The following CD2AP variants were observed in gnomAD, a reference collection of about 807,000 sequenced individuals.
CD2AP encodes the protein CD2-associated protein.
In CD2AP, 46 loss-of-function variants were observed where a neutral mutation model predicts 85.1. That is an observed-to-expected ratio of 0.54 (90% CI 0.43 to 0.69). The LOEUF (loss-of-function observed/expected upper bound fraction) is 0.69, where lower values mean the gene tolerates loss of function less well. Among genes scored for constraint, CD2AP ranks in the 30% least tolerant of loss-of-function variants. The pLI, the probability that CD2AP is intolerant of heterozygous loss-of-function variation, is 0.00. For missense variants in CD2AP, 769 were observed against 729.5 expected, an observed-to-expected ratio of 1.05 and a Z score of -0.62; for synonymous variants, 255 against 252.9, an observed-to-expected ratio of 1.01 and a Z score of -0.08.
chr6:47,605,653 C>A (rs1389116740), intron 13 of CD2AP, among the ~76,000 whole-genome samples: 1 of 152,038 alleles, frequency 6.6e-6, no homozygotes, highest in Non-Finnish European at 1.5e-5. Flanking sequence ...TACATTAAAT[C>A]ATGCTTTTGC....
intron 17 of CD2AP, among the ~76,000 whole-genome samples, chr6:47,616,118 G>A (rs1380043642): frequency 1.3e-5 from 1 of 76,462 alleles, no homozygotes; most frequent in African/African-American, 5.7e-5. Flanking sequence ...TTGAGATGAA[G>A]TCTTGCTCTG....
At chr6:47,513,732 A>G (rs994692545) in intron 2 of CD2AP, among the ~76,000 whole-genome samples, 4 of 152,010 alleles carry the variant, frequency 2.6e-5, no homozygotes, top group Admixed American at 6.6e-5. Context: ...TTAGAACTTC[A>G]GTAAACATCT....
chr6:47,566,167 G>A (rs900505501), intron 5 of CD2AP, among the ~76,000 whole-genome samples: 16 of 151,356 alleles, frequency 1.1e-4, no homozygotes, highest in Non-Finnish European at 2.9e-5. Context: ...GGCCCTTACT[G>A]ACAGCTCTGT....
intron 3 of CD2AP, among the ~76,000 whole-genome samples, chr6:47,540,315 T>A (rs1024514517): frequency 2.6e-5 from 4 of 152,112 alleles, no homozygotes; most frequent in Non-Finnish European, 4.4e-5. Context: ...TTATAGAAAT[T>A]AACATTTATT....
intron 16 of CD2AP, among the ~76,000 whole-genome samples, chr6:47,610,971 A>ATATATATATATATATATATATAT: frequency 9.9e-4 from 112 of 112,834 alleles, no homozygotes; most frequent in African/African-American, 2.8e-3. Flanking sequence ...ATATATATGT[A>ATATATATATATATATATATATAT]TTTTTTTTTT....
chr6:47,536,896 A>G (rs927775018), intron 3 of CD2AP, among the ~76,000 whole-genome samples: 9 of 152,232 alleles, frequency 5.9e-5, no homozygotes. Context: ...ATTAGCAGTC[A>G]GCGTGGAATA....
At chr6:47,536,804 C>T (rs1767060893) in intron 3 of CD2AP, among the ~76,000 whole-genome samples, 1 of 152,082 alleles carries the variant, frequency 6.6e-6, no homozygotes, top group Non-Finnish European at 1.5e-5. Flanking sequence ...ACTTCTGACA[C>T]CCTTGTAAAA....
chr6:47,505,617 G>T (rs1220416114), intron 2 of CD2AP, among the ~76,000 whole-genome samples: 21 of 96,924 alleles, frequency 2.2e-4, no homozygotes, highest in Middle Eastern at 5.5e-3. Context: ...GGCCGGGCGG[G>T]GGGGGCTGAC....
intron 1 of CD2AP, among the ~76,000 whole-genome samples, chr6:47,496,829 A>G (rs1232749048): frequency 1.3e-5 from 2 of 152,184 alleles, no homozygotes; most frequent in Admixed American, 6.5e-5. Flanking sequence ...GAAAATATTT[A>G]GCTTGCTTAT....
chr6:47,525,492 G>C (rs1043079450), intron 2 of CD2AP, among the ~76,000 whole-genome samples: 1 of 152,006 alleles, frequency 6.6e-6, no homozygotes, highest in African/African-American at 2.4e-5. Context: ...TGCGACCTTT[G>C]AGTCTATGGA....
chr6:47,539,918 C>T (rs1767162031), intron 3 of CD2AP, among the ~76,000 whole-genome samples: 2 of 151,978 alleles, frequency 1.3e-5, no homozygotes, highest in Non-Finnish European at 2.9e-5. Flanking sequence ...GTGGCTCACA[C>T]CTGTAATCCC....
Position 47,599,429 on chromosome 6 carries a change from C to A in CD2AP, c.1403C>A (p.Thr468Asn). The A allele has an allele frequency of 6.2e-7, 1 of 1,611,760 alleles. No homozygotes were observed. The highest frequency in any genetic ancestry group is 8.5e-7 in the Non-Finnish European group (1 of 1,178,880). ...GACTTTGATTCACTTACAGTAAGGA[C>A]CTCCAAAGAAACAGGTAAGTCAGCA... ...SVDFDSLTVR[T>N]SKETDVVNFD... Residue 468 changes from threonine to asparagine, a missense_variant, in exon 13 of 18, where the codon ACC becomes AAC. Thr to Asn is a moderately conservative substitution (Grantham distance 65, BLOSUM62 0). Transcript: ENST00000359314.
chr6:47,545,074 T>C, intron 4 of CD2AP: 1 of 187,944 alleles, frequency 5.3e-6, no homozygotes, highest in South Asian at 1.0e-4. Flanking sequence ...AATTATCACA[T>C]TCAAATATTA....
chr6:47,537,474 A>G (rs1297699730), intron 3 of CD2AP, among the ~76,000 whole-genome samples: 2 of 152,128 alleles, frequency 1.3e-5, no homozygotes, highest in African/African-American at 4.8e-5. Context: ...AAAATTTTAA[A>G]ATATCTGGAA....
chr6:47,487,742 A>G (rs990927716), intron 1 of CD2AP, among the ~76,000 whole-genome samples: 3 of 152,146 alleles, frequency 2.0e-5, no homozygotes, highest in South Asian at 4.1e-4. Context: ...TTATTCTCTT[A>G]GTGTGTAAAT....
intron 5 of CD2AP, among the ~76,000 whole-genome samples, chr6:47,558,212 T>G (rs1384475275): frequency 6.6e-6 from 1 of 152,202 alleles, no homozygotes; most frequent in African/African-American, 2.4e-5. Flanking sequence ...CTTATCAGCT[T>G]AAGGAGATTT....
At chr6:47,595,466 T>C (rs1768915063) in intron 11 of CD2AP, among the ~76,000 whole-genome samples, 1 of 152,014 alleles carries the variant, frequency 6.6e-6, no homozygotes, top group South Asian at 2.1e-4. Flanking sequence ...TTGTTTTTAG[T>C]TCTCTATATT....
At position 47,538,179 on chromosome 6, in the gene CD2AP, C is replaced by T. The variant is rs146946338; in HGVS notation, c.319+4424C>T. Among the ~76,000 whole-genome samples the T allele has an allele frequency of 3.6e-3, 547 of 152,214 alleles. 2 individuals carry two copies. Among genetic ancestry groups the T allele is most frequent in the African/African-American group, 0.012 (516 of 41,524 alleles). On this transcript the variant is annotated intron_variant, in intron 3 of 17. Transcript: ENST00000359314. ...CATCATTCATGTAAAATGGCCGAAT[C>T]AGTGTTTCTCATAACATTTGATTAT...
chr6:47,478,132 G>A lies in CD2AP; in HGVS notation c.-113G>A. 1.5e-6 allele frequency: 2 copies of A among 1,371,234 alleles called. No homozygotes were observed. The highest frequency in any genetic ancestry group is 2.5e-5 in the South Asian group (2 of 80,346). 84.9% of individuals were successfully genotyped at this position (1,371,234 alleles called of 1,614,324 possible). The stretch of plus-strand genomic sequence containing the variant: ...CTTCGCCCCGCCTGAGCTCAGGAGG[G>A]GCTAGCGCGGAGCGCGGGTCCCGCC... On this transcript the variant is annotated 5_prime_UTR_variant, in exon 1 of 18. Transcript: ENST00000359314.
Sources: gnomAD v4.1 joint callset for allele counts (sites outside exome capture counted in the v4.1 genomes callset) on GRCh38, gnomAD v4.1.1 for gene constraint, MANE v1.5 for transcripts, NCBI Gene and HGNC (gene_info 2026-07-23, HGNC 2026-07-21) for gene names.